ZNF335: variants seen among roughly 807,000 people sequenced by gnomAD.
ZNF335 encodes the protein zinc finger protein 335, also known as NRC-interacting factor 1.
ZNF335 carries 84 observed loss-of-function variants against 145.6 expected under a neutral mutation model. The ratio of observed to expected loss-of-function variants is 0.58; its 90% CI spans 0.48 to 0.69. ZNF335 has a LOEUF of 0.69. ZNF335 is among the 30% of genes least tolerant of loss of function. The pLI, the probability that ZNF335 is intolerant of heterozygous loss-of-function variation, is 0.00. For missense variants in ZNF335, 1,865 were observed against 1,809.7 expected (o/e 1.03, Z -0.55); for synonymous variants, 761 against 717.0 (o/e 1.06, Z -0.98).
At chr20:45,952,770 G>C (rs1015086481) in intron 18 of ZNF335, 61 bp from the exon 19 acceptor site, 5 of 1,497,812 alleles carry the variant, frequency 3.3e-6, no homozygotes, top group Non-Finnish European at 4.6e-6. Context: ...CCTTCCCCAA[G>C]CAACAGGCAT....
intron 20 of ZNF335, among the ~76,000 whole-genome samples, chr20:45,951,251 G>A (rs1310082994): frequency 6.6e-6 from 1 of 152,350 alleles, no homozygotes; most frequent in Non-Finnish European, 1.5e-5. Flanking sequence ...ACTGTAGGGT[G>A]GGGCTCTAGG....
Position 45,949,232 on chromosome 20 carries a change from G to A in ZNF335, c.3839C>T (p.Ser1280Phe). The change falls in exon 27 of 28, where the codon TCC becomes TTC. Residue 1280 changes from serine (S) to phenylalanine (F), a missense_variant. Coordinates refer to ENST00000322927, the MANE Select transcript of ZNF335 (RefSeq NM_022095.4). ...QESQIQYVPV[S>F]PGQQLVTQAQ... Reference sequence around the variant, plus strand: ...CTGTGTGACAAGCTGCTGGCCTGGGGACACAGGCACATACTGGATCTGGAG... The same window carrying A: ...CTGTGTGACAAGCTGCTGGCCTGGGAACACAGGCACATACTGGATCTGGAG... 8 of 1,613,888 alleles carry A rather than the reference G, an allele frequency of 5.0e-6. No homozygotes were observed. Among genetic ancestry groups the A allele is most frequent in the Non-Finnish European group, 6.8e-6 (8 of 1,180,002 alleles).
Position 45,949,946 on chromosome 20 carries a change from C to G in ZNF335, c.3591+20G>C. On this transcript the variant is annotated intron_variant, in intron 23 of 27. Coordinates refer to ENST00000322927, the MANE Select transcript of ZNF335 (RefSeq NM_022095.4). ...CCCCTGCCTGTCGCTGGCCAGAGGG[C>G]CCCCAGTCCTGACTCTTACCTGATT... 1.2e-6 allele frequency: 2 copies of G among 1,614,020 alleles called. No individual in the cohort carries two copies. The highest frequency in any genetic ancestry group is 1.7e-6 in the Non-Finnish European group (2 of 1,179,904).
rs770866679 is a variant in ZNF335, at chr20:45,950,389, G to A, written c.3333-16C>T. ...ACGGTTGAAACTGAGGGGGATGAAA[G>A]GTGGCTCAGGTTAGCTCCACCATAC... On this transcript the variant is annotated splice_polypyrimidine_tract_variant and intron_variant, in intron 21 of 27. Coordinates refer to ENST00000322927, the MANE Select transcript of ZNF335 (RefSeq NM_022095.4). The A allele has an allele frequency of 1.2e-6, 2 of 1,606,818 alleles. No homozygotes were observed. Among genetic ancestry groups the A allele is most frequent in the Non-Finnish European group, 1.7e-6 (2 of 1,174,522 alleles).
chr20:45,971,614 C>T, intron 1 of ZNF335, 154 bp from the exon 2 acceptor site: 1 of 985,486 alleles, frequency 1.0e-6, no homozygotes, highest in Non-Finnish European at 1.2e-6. Context: ...GAGGGGAGCT[C>T]GGGAAAAACT....
chr20:45,957,708 A>T, intron 16 of ZNF335, 28 bp from the exon 17 acceptor site: 1 of 1,613,340 alleles, frequency 6.2e-7, no homozygotes. Flanking sequence ...TAAGCCTGAC[A>T]AAGTGCTAGA....
intron 4 of ZNF335, 72 bp downstream of exon 4, chr20:45,968,213 G>A (rs949498065): frequency 2.5e-5 from 38 of 1,551,000 alleles, no homozygotes; most frequent in African/African-American, 4.1e-5. Flanking sequence ...GACGGAATCC[G>A]CGGCAGAACC....
At chr20:45,972,099 G>A in intron 1 of ZNF335, 23 bp downstream of exon 1, 3 of 1,288,858 alleles carry the variant, frequency 2.3e-6, no homozygotes, top group East Asian at 5.6e-5. Flanking sequence ...CGGTGGGGCC[G>A]CCTAACTCTA....
intron 17 of ZNF335, among the ~76,000 whole-genome samples, chr20:45,954,974 G>T (rs551318034): frequency 6.6e-5 from 10 of 151,952 alleles, no homozygotes; most frequent in Non-Finnish European, 1.5e-4. Context: ...GTCCAGGCTG[G>T]TCTCAAACTC....
intron 4 of ZNF335, 87 bp downstream of exon 4, chr20:45,968,198 C>A: frequency 1.3e-6 from 2 of 1,528,286 alleles, no homozygotes; most frequent in South Asian, 1.1e-5. Context: ...CCAGCCAGGG[C>A]CACAGACGGA....
In ZNF335 at chr20:45,948,861, G is replaced by C; in HGVS notation, c.*92C>G. 4 of 1,582,264 alleles carry C rather than the reference G, an allele frequency of 2.5e-6. No individual in the cohort carries two copies. Among genetic ancestry groups the C allele is most frequent in the Non-Finnish European group, 3.5e-6 (4 of 1,158,610 alleles). Reference sequence around the variant, plus strand: ...GGATGCTGGCTATCCAGTATCTGGAGATCCTAAATGAAGAGGGAGGTGAGT... The same window carrying C: ...GGATGCTGGCTATCCAGTATCTGGACATCCTAAATGAAGAGGGAGGTGAGT... On this transcript the variant is annotated 3_prime_UTR_variant, in exon 28 of 28. Transcript: ENST00000322927.
chr20:45,948,703 G>A lies in ZNF335; in HGVS notation c.*250C>T, dbSNP rs569482810. ...TCCCTTTATTGAGACTGACAGGCCA[G>A]TGGGTCCACCCAAACAAAAATAAAT... is the stretch of plus-strand genomic sequence containing the variant. On this transcript the variant is annotated 3_prime_UTR_variant, in exon 28 of 28. Coordinates refer to ENST00000322927, the MANE Select transcript of ZNF335 (RefSeq NM_022095.4). The A allele has an allele frequency of 1.7e-4, 88 of 516,660 alleles. 1 individual carries two copies. The highest frequency in any genetic ancestry group is 9.3e-4 in the South Asian group (46 of 49,364). The allele number at this position is 516,660 out of a possible 1,614,324, so 32.0% of individuals were successfully genotyped here.
Position 45,949,029 on chromosome 20 carries a change from T to C in ZNF335, c.3953A>G (p.Glu1318Gly). The change falls in exon 28 of 28, where the codon GAG (glutamate) becomes GGG (glycine). Residue 1318 changes from glutamate to glycine, a missense_variant. Transcript: ENST00000322927. ...CTGTTGAATGTGTTCGGGCACTGTC[T>C]CGTCTGTACCAAACAGGCCCTGGGC... ...AQAQGLFGTD[E>G]TVPEHIQQLQ... 6.2e-7 allele frequency: 1 copy of C among 1,613,916 alleles called. No individual in the cohort carries two copies. Among genetic ancestry groups the C allele is most frequent in the Non-Finnish European group, 8.5e-7 (1 of 1,180,020 alleles).
At chr20:45,953,486 A>T (rs761606527) in intron 18 of ZNF335, among the ~76,000 whole-genome samples, 13 of 152,224 alleles carry the variant, frequency 8.5e-5, no homozygotes, top group Non-Finnish European at 1.9e-4. Context: ...AGGTCCCATC[A>T]TGAGTGCCAA....
intron 2 of ZNF335, chr20:45,969,938 G>A (rs1017839196): frequency 7.2e-6 from 3 of 419,022 alleles, no homozygotes; most frequent in Non-Finnish European, 1.3e-5. Context: ...GGACTCCTAA[G>A]CCACAGCCAG....
At position 45,949,479 on chromosome 20, in the gene ZNF335, G is replaced by A. The variant is rs1424552864; in HGVS notation, c.3753+6C>T. ...ACACAGCACCCTCATCCCAGGTCTG[G>A]CCTACCTGGATGTGATGGCCTTCAG... On this transcript the variant is annotated splice_donor_region_variant and intron_variant, in intron 25 of 27. Coordinates refer to ENST00000322927, the MANE Select transcript of ZNF335 (RefSeq NM_022095.4). 1 of 1,613,824 alleles carries A rather than the reference G, an allele frequency of 6.2e-7. No individual in the cohort carries two copies. The highest frequency in any genetic ancestry group is 1.1e-5 in the South Asian group (1 of 91,074).
At position 45,972,200 on chromosome 20, in the gene ZNF335, A is replaced by C; in HGVS notation, c.-129T>G. The C allele has an allele frequency of 3.9e-6, 5 of 1,287,330 alleles. No individual in the cohort carries two copies. The highest frequency in any genetic ancestry group is 5.1e-6 in the Non-Finnish European group (5 of 987,804). 79.7% of individuals were successfully genotyped at this position (1,287,330 alleles called of 1,614,324 possible). ...ATCCTCTTTCCTCCGCTGCGGAGGA[A>C]CCCATCGGCCTATTGTAGGCCGGAA... is the stretch of plus-strand genomic sequence containing the variant. On this transcript the variant is annotated 5_prime_UTR_variant, in exon 1 of 28. Transcript: ENST00000322927.
At position 45,963,647 on chromosome 20, in the gene ZNF335, G is replaced by T; in HGVS notation, c.1359C>A (p.Tyr453Ter). The T allele has an allele frequency of 1.2e-6, 2 of 1,614,158 alleles. No homozygotes were observed. The highest frequency in any genetic ancestry group is 1.7e-6 in the Non-Finnish European group (2 of 1,179,980). Reference protein sequence around the residue: ...RRFLGKKYRKYYYKSPKPLLR... With the variant: ...RRFLGKKYRK ...AAAGTGGTTTGGGCGACTTGTAATA[G>T]TACCTGCAGGATGAGAGTGTGGCGG... Residue 453 changes from tyrosine (Y) to a stop codon, truncating the protein, a stop_gained, in exon 9 of 28, where the codon TAC becomes TAA. Transcript: ENST00000322927. LOFTEE classifies it high-confidence loss of function.
intron 6 of ZNF335, chr20:45,967,206 A>G: frequency 2.3e-6 from 1 of 434,880 alleles, no homozygotes; most frequent in Non-Finnish European, 4.3e-6. Context: ...TCATGATGCT[A>G]CACTCCAGTC....
Sources: allele counts gnomAD v4.1 joint callset (sites outside exome capture counted in the v4.1 genomes callset), GRCh38; gene constraint gnomAD v4.1.1; transcripts MANE v1.5; gene names NCBI Gene and HGNC (gene_info 2026-07-23, HGNC 2026-07-21).